TTC7B: variants seen among roughly 807,000 people sequenced by gnomAD.
The protein encoded by TTC7B is tetratricopeptide repeat protein 7B.
TTC7B carries 28 observed loss-of-function variants against 106.8 expected under a neutral mutation model. That is an observed-to-expected ratio of 0.26 (90% CI 0.19 to 0.36). TTC7B has a LOEUF of 0.36. TTC7B is among the 10% of genes least tolerant of loss of function. TTC7B has a pLI of 1.00. For synonymous variants in TTC7B, 405 were observed against 430.6 expected (o/e 0.94, Z 0.74); for missense variants, 862 against 1,076.4 (o/e 0.80, Z 2.79).
At position 90,531,229 on chromosome 14, in the gene TTC7B, G is replaced by A. The variant is rs540280675; in HGVS notation, c.*10139C>T. The A allele has an allele frequency of 5.3e-5, 8 of 152,134 alleles. No individual in the cohort carries two copies. Among genetic ancestry groups the A allele is most frequent in the South Asian group, 4.1e-4 (2 of 4,828 alleles). The allele number at this position is 152,134 out of a possible 1,614,324, so 9.4% of individuals were successfully genotyped here. ...CTGATACAGTGGGTGTAGGTTTTAC[G>A]ATCACAAAAGAAAAGAAAAAGCTGC... On this transcript the variant is annotated 3_prime_UTR_variant, in exon 20 of 20. Coordinates refer to ENST00000328459, the MANE Select transcript of TTC7B (RefSeq NM_001010854.2).
chr14:90,633,463 A>G (rs1477925964), intron 15 of TTC7B, among the ~76,000 whole-genome samples: 2 of 152,256 alleles, frequency 1.3e-5, no homozygotes, highest in Non-Finnish European at 2.9e-5. Context: ...ACCTTTCAGT[A>G]ACACTGAAGT....
At chr14:90,573,557 ACGGTCCCTCTCCG>A in intron 19 of TTC7B, among the ~76,000 whole-genome samples, 1 of 121,736 alleles carries the variant, frequency 8.2e-6, no homozygotes, top group Non-Finnish European at 1.7e-5. Flanking sequence ...TCTCCGGCTC[ACGGTCCCTCTCCG>A]GCTCACGGTC....
chr14:90,689,778 G>T, intron 6 of TTC7B, 66 bp from the exon 7 acceptor site: 2 of 1,535,402 alleles, frequency 1.3e-6, no homozygotes. Context: ...CATTCAGTCA[G>T]TCAATAAATA....
intron 15 of TTC7B, among the ~76,000 whole-genome samples, chr14:90,638,056 T>C (rs1178760795): frequency 6.6e-6 from 1 of 150,666 alleles, no homozygotes; most frequent in Non-Finnish European, 1.5e-5. Context: ...TACCCTTTTT[T>C]TTTTTTTATC....
chr14:90,801,743 G>A (rs1222656992), intron 1 of TTC7B, among the ~76,000 whole-genome samples: 3 of 152,118 alleles, frequency 2.0e-5, no homozygotes, highest in African/African-American at 7.2e-5. Flanking sequence ...CTGGAAAGAG[G>A]GGTATTTGAG....
chr14:90,799,164 A>G (rs2030084747), intron 1 of TTC7B, among the ~76,000 whole-genome samples: 2 of 152,100 alleles, frequency 1.3e-5, no homozygotes, highest in African/African-American at 2.4e-5. Flanking sequence ...GGCCACGGCC[A>G]TCTGACTCAC....
At chr14:90,601,413 G>C (rs2139830700) in intron 17 of TTC7B, among the ~76,000 whole-genome samples, 1 of 152,256 alleles carries the variant, frequency 6.6e-6, no homozygotes, top group Non-Finnish European at 1.5e-5. Flanking sequence ...CATCACTACT[G>C]TCTTGAATTC....
intron 3 of TTC7B, among the ~76,000 whole-genome samples, chr14:90,753,422 G>GA (rs1890193710): frequency 6.6e-6 from 1 of 152,240 alleles, no homozygotes; most frequent in Non-Finnish European, 1.5e-5. Context: ...AGAGACTCAA[G>GA]AAAAGAGATT....
At chr14:90,745,065 T>TG in intron 3 of TTC7B, 143 bp from the exon 4 acceptor site, 1 of 800,846 alleles carries the variant, frequency 1.2e-6, no homozygotes, top group South Asian at 1.8e-5. Context: ...CTTTTCAATC[T>TG]GGATGCTTTT....
At chr14:90,749,217 G>A (rs1262094841) in intron 3 of TTC7B, among the ~76,000 whole-genome samples, 1 of 152,016 alleles carries the variant, frequency 6.6e-6, no homozygotes, top group Non-Finnish European at 1.5e-5. Context: ...CTTGGGCTTT[G>A]TTGAGCTTCC....
At chr14:90,549,830 G>A (rs1189757324) in intron 19 of TTC7B, among the ~76,000 whole-genome samples, 1 of 152,182 alleles carries the variant, frequency 6.6e-6, no homozygotes, top group Non-Finnish European at 1.5e-5. Flanking sequence ...AGGACTAAAT[G>A]AGGTCAGAGT....
rs371269123 is a variant in TTC7B at position 90,541,436 on chromosome 14, G to T, written c.2464C>A (p.Leu822Met). Residue 822 changes from leucine to methionine, a missense_variant, in exon 20 of 20, where the codon CTG (leucine) becomes ATG (methionine). Transcript: ENST00000328459. ...GNDAAATECF[L>M]TALELEASSP... is the part of the protein sequence containing the mutation. Reference sequence around the variant, plus strand: ...CTGGCCTCCAGCTCCAAGGCTGTCAGGAAGCACTCCGTAGCCGCCGCATCG... The same window carrying T: ...CTGGCCTCCAGCTCCAAGGCTGTCATGAAGCACTCCGTAGCCGCCGCATCG... The T allele has an allele frequency of 7.4e-6, 12 of 1,613,312 alleles. No homozygotes were observed. In the African/African-American group the frequency reaches 1.1e-4, roughly 14 times the overall value.
intron 7 of TTC7B, among the ~76,000 whole-genome samples, chr14:90,684,358 G>A (rs905191413): frequency 6.6e-6 from 1 of 152,038 alleles, no homozygotes; most frequent in Admixed American, 6.6e-5. Flanking sequence ...CTGACTGACT[G>A]AAACACACAC....
chr14:90,593,491 T>C lies in TTC7B; in HGVS notation c.2102A>G (p.His701Arg), dbSNP rs774401521. The change falls in exon 18 of 20, where the codon CAT becomes CGT. Residue 701 changes from histidine to arginine, a missense_variant. Transcript: ENST00000328459. The part of the protein sequence containing the change: ...PWMTLAQIWL[H>R]AAEVYIGIGK... ...GTGGGTGAGGCGGAGGGTACCTGCA[T>C]GGAGCCAGATCTGTGCCAGCGTCAT... 6 of 1,594,892 alleles carry C rather than the reference T, an allele frequency of 3.8e-6. No individual in the cohort carries two copies. Among genetic ancestry groups the C allele is most frequent in the Non-Finnish European group, 4.3e-6 (5 of 1,168,254 alleles).
chr14:90,636,427 T>TAAAAAAA (rs71117365), intron 15 of TTC7B, among the ~76,000 whole-genome samples: 1 of 99,886 alleles, frequency 1.0e-5, no homozygotes, highest in African/African-American at 3.7e-5. Context: ...AACGATGTGG[T>TAAAAAAA]AAAAAAAAAA....
Position 90,700,796 on chromosome 14 carries a change from C to T in TTC7B, c.699-5218G>A, listed in dbSNP as rs80173977. Among the ~76,000 whole-genome samples, 372 of 147,616 alleles carry T rather than the reference C, an allele frequency of 2.5e-3. 3 individuals carry two copies. Among genetic ancestry groups the T allele is most frequent in the African/African-American group, 8.7e-3 (348 of 40,138 alleles). On this transcript the variant is annotated intron_variant, in intron 5 of 19. Coordinates refer to ENST00000328459, the MANE Select transcript of TTC7B (RefSeq NM_001010854.2). ...GATACATACCATGTATCTTCTAGGT[C>T]CATCACTTTTAGTTCTCAGGCTTGA...
At chr14:90,728,769 C>T (rs184079199) in intron 5 of TTC7B, among the ~76,000 whole-genome samples, 7 of 152,282 alleles carry the variant, frequency 4.6e-5, no homozygotes, top group Admixed American at 1.3e-4. Context: ...GATTAATTCC[C>T]GGGTCCGGAC....
At chr14:90,727,121 G>C (rs1889134220) in intron 5 of TTC7B, among the ~76,000 whole-genome samples, 2 of 152,182 alleles carry the variant, frequency 1.3e-5, no homozygotes, top group Admixed American at 6.5e-5. Flanking sequence ...GGAGGGCGAG[G>C]AGAAAGAGAT....
chr14:90,669,089 G>A (rs1595264717), intron 9 of TTC7B, among the ~76,000 whole-genome samples: 1 of 151,928 alleles, frequency 6.6e-6, no homozygotes, highest in East Asian at 1.9e-4. Flanking sequence ...TTTTGATAAG[G>A]GTGCCAAGTC....
Sources: allele counts gnomAD v4.1 joint callset (sites outside exome capture counted in the v4.1 genomes callset), GRCh38; gene constraint gnomAD v4.1.1; transcripts MANE v1.5; gene names NCBI Gene and HGNC (gene_info 2026-07-23, HGNC 2026-07-21).